Variants in DIAPH3 observed in about 807,000 individuals in gnomAD.
DIAPH3 encodes the protein protein diaphanous homolog 3.
Under a neutral mutation model 144.3 loss-of-function variants are expected in DIAPH3, and 117 were observed. The ratio of observed to expected loss-of-function variants is 0.81; its 90% confidence interval spans 0.70 to 0.95. The LOEUF is 0.95. DIAPH3 is among the 40% of genes least tolerant of loss of function. The probability of loss-of-function intolerance (pLI) is 0.00; values close to 1 mark genes in which losing one functional copy is unlikely to be tolerated. For synonymous variants in DIAPH3, 519 were observed against 488.9 expected (o/e 1.06, Z -0.81); for missense variants, 1,421 against 1,412.7 (o/e 1.01, Z -0.09).
At chr13:60,161,623 TAC>T (rs765627923) in intron 1 of DIAPH3, among the ~76,000 whole-genome samples, 16 of 152,186 alleles carry the variant, frequency 1.1e-4, no homozygotes, top group Non-Finnish European at 2.1e-4. Flanking sequence ...TCTGGAATCC[TAC>T]AGGTGAAGAT....
chr13:60,163,537 C>T (rs778264855), intron 1 of DIAPH3, 50 bp downstream of exon 1: 2 of 1,584,386 alleles, frequency 1.3e-6, no homozygotes, highest in Non-Finnish European at 1.7e-6. Context: ...CGGCAGTCAG[C>T]CCTACGGCGG....
At chr13:59,765,673 T>C (rs527990829) in intron 27 of DIAPH3, among the ~76,000 whole-genome samples, 1 of 152,208 alleles carries the variant, frequency 6.6e-6, no homozygotes, top group Admixed American at 6.5e-5. Flanking sequence ...TTTTATGCTT[T>C]CACAAATAGT....
At chr13:59,889,305 T>G (rs1398395924) in intron 20 of DIAPH3, among the ~76,000 whole-genome samples, 1 of 152,096 alleles carries the variant, frequency 6.6e-6, no homozygotes, top group Non-Finnish European at 1.5e-5. Context: ...TATTCAGTCT[T>G]TCTTCCTACA....
intron 4 of DIAPH3, among the ~76,000 whole-genome samples, chr13:60,067,853 AG>A (rs2057032401): frequency 6.6e-6 from 1 of 152,192 alleles, no homozygotes; most frequent in African/African-American, 2.4e-5. Context: ...CCATGTAAAA[AG>A]CCTGGTATAT....
chr13:59,967,326 C>T (rs1268102476), intron 17 of DIAPH3, among the ~76,000 whole-genome samples: 2 of 151,920 alleles, frequency 1.3e-5, no homozygotes, highest in Non-Finnish European at 2.9e-5. Flanking sequence ...CAACCCACCT[C>T]GACCTCCCAA....
chr13:60,150,066 G>T (rs1161357984), intron 1 of DIAPH3, among the ~76,000 whole-genome samples: 1 of 152,022 alleles, frequency 6.6e-6, no homozygotes. Flanking sequence ...CTGTTTCCCA[G>T]ACTGGAGTGC....
At chr13:60,127,488 C>CA (rs1481320455) in intron 2 of DIAPH3, among the ~76,000 whole-genome samples, 1 of 151,152 alleles carries the variant, frequency 6.6e-6, no homozygotes, top group South Asian at 2.1e-4. Flanking sequence ...ATGACTCCCA[C>CA]AAAAAACAAA....
intron 17 of DIAPH3, among the ~76,000 whole-genome samples, chr13:59,932,333 G>A (rs186328654): frequency 1.1e-3 from 172 of 152,002 alleles, no homozygotes; most frequent in African/African-American, 3.9e-3. Flanking sequence ...TGCACTGAAG[G>A]CTTTCTGTTT....
chr13:59,882,692 A>T (rs961357090), intron 20 of DIAPH3, among the ~76,000 whole-genome samples: 1 of 152,222 alleles, frequency 6.6e-6, no homozygotes, highest in African/African-American at 2.4e-5. Context: ...AATGAACAAT[A>T]AACATAAAAT....
intron 17 of DIAPH3, among the ~76,000 whole-genome samples, chr13:59,949,252 TC>T (rs1395904509): frequency 1.3e-5 from 2 of 152,176 alleles, no homozygotes; most frequent in African/African-American, 4.8e-5. Flanking sequence ...CACAAGTGAC[TC>T]CATTCTGGTT....
At chr13:59,674,801 C>T (rs1289773598) in intron 27 of DIAPH3, among the ~76,000 whole-genome samples, 1 of 152,214 alleles carries the variant, frequency 6.6e-6, no homozygotes, top group African/African-American at 2.4e-5. Context: ...ATCTGTTTAT[C>T]AGTCATGCTA....
intron 22 of DIAPH3, among the ~76,000 whole-genome samples, chr13:59,860,833 T>C (rs2043535445): frequency 6.6e-6 from 1 of 152,204 alleles, no homozygotes; most frequent in East Asian, 1.9e-4. Context: ...GTATTAATAA[T>C]AGCTCTATCC....
chr13:60,098,729 T>C (rs565301624), intron 3 of DIAPH3, among the ~76,000 whole-genome samples: 1 of 152,338 alleles, frequency 6.6e-6, no homozygotes, highest in South Asian at 2.1e-4. Context: ...GCTGCTTTAC[T>C]GTGCTACCAC....
intron 20 of DIAPH3, among the ~76,000 whole-genome samples, chr13:59,901,706 T>A (rs2046443623): frequency 6.6e-6 from 1 of 152,220 alleles, no homozygotes; most frequent in African/African-American, 2.4e-5. Context: ...GAATAAATTA[T>A]TGCTGAATCA....
intron 27 of DIAPH3, among the ~76,000 whole-genome samples, chr13:59,676,235 C>T (rs1177905134): frequency 6.6e-6 from 1 of 152,226 alleles, no homozygotes; most frequent in Non-Finnish European, 1.5e-5. Context: ...GCTATCCAGA[C>T]TCAGTTTGAA....
chr13:59,958,028 A>G (rs1417220470), intron 17 of DIAPH3, among the ~76,000 whole-genome samples: 2 of 152,218 alleles, frequency 1.3e-5, no homozygotes, highest in African/African-American at 4.8e-5. Flanking sequence ...ATGATAGAAG[A>G]GTGGACTGGA....
At chr13:59,960,589 C>T (rs1440619393) in intron 17 of DIAPH3, among the ~76,000 whole-genome samples, 2 of 152,092 alleles carry the variant, frequency 1.3e-5, no homozygotes, top group Non-Finnish European at 1.5e-5. Flanking sequence ...TTAATTCAAC[C>T]CAGTTCCATA....
intron 17 of DIAPH3, among the ~76,000 whole-genome samples, chr13:59,967,679 G>T (rs2050138738): frequency 6.6e-6 from 1 of 152,034 alleles, no homozygotes; most frequent in South Asian, 2.1e-4. Context: ...CATTTTAATT[G>T]TCATATATTC....
intron 11 of DIAPH3, among the ~76,000 whole-genome samples, chr13:59,991,639 A>C (rs921754624): frequency 1.1e-4 from 16 of 151,932 alleles, no homozygotes; most frequent in Non-Finnish European, 1.9e-4. Flanking sequence ...GCCCCAGGTG[A>C]GGATAGGAAC....
Sources: gnomAD v4.1 joint callset for allele counts (sites outside exome capture counted in the v4.1 genomes callset) on GRCh38, gnomAD v4.1.1 for gene constraint, MANE v1.5 for transcripts, NCBI Gene and HGNC (gene_info 2026-07-23, HGNC 2026-07-21) for gene names.